The following LIMCH1 variants were observed in gnomAD, a reference collection of about 807,000 sequenced individuals.
LIMCH1 encodes LIM and calponin homology domains-containing protein 1.
In LIMCH1, 113 loss-of-function variants were observed where a neutral mutation model predicts 176.5. That is an observed-to-expected ratio of 0.64 (90% CI 0.55 to 0.75). The LOEUF is 0.75. LIMCH1 is among the 30% of genes least tolerant of loss of function. The pLI, the probability that LIMCH1 is intolerant of heterozygous loss-of-function variation, is 0.00. For synonymous variants in LIMCH1, 619 were observed against 645.9 expected (o/e 0.96, Z 0.63); for missense variants, 1,674 against 1,814.9 (o/e 0.92, Z 1.41).
At chr4:41,562,014 G>A (rs116831446) in intron 1 of LIMCH1, among the ~76,000 whole-genome samples, 1 of 152,092 alleles carries the variant, frequency 6.6e-6, no homozygotes, top group African/African-American at 2.4e-5. Context: ...TATCATTATT[G>A]CTTGTGGGTT....
At chr4:41,486,977 T>TACACACACACACACACACACAC (rs71927545) in intron 1 of LIMCH1, among the ~76,000 whole-genome samples, 20 of 138,510 alleles carry the variant, frequency 1.4e-4, no homozygotes, top group South Asian at 4.5e-4. Flanking sequence ...CACACATACA[T>TACACACACACACACACACACAC]ACACACACAC....
intron 19 of LIMCH1, among the ~76,000 whole-genome samples, chr4:41,662,445 C>G (rs1560280029): frequency 6.6e-6 from 1 of 152,208 alleles, no homozygotes; most frequent in Non-Finnish European, 1.5e-5. Flanking sequence ...CAGGTTGCTG[C>G]TCATTCACTG....
intron 1 of LIMCH1, among the ~76,000 whole-genome samples, chr4:41,424,462 C>T (rs1335832888): frequency 6.6e-6 from 1 of 152,170 alleles, no homozygotes; most frequent in South Asian, 2.1e-4. Context: ...TTATCTGAAA[C>T]TCTTGGGGCC....
chr4:41,532,762 C>T (rs1377499858), intron 3 of LIMCH1, among the ~76,000 whole-genome samples: 1 of 152,162 alleles, frequency 6.6e-6, no homozygotes, highest in Non-Finnish European at 1.5e-5. Flanking sequence ...TCCCTTCACT[C>T]ATCTTGTGAT....
At position 41,551,582 on chromosome 4, in the gene LIMCH1, GCAGGCCAAAAC is replaced by G. The variant is rs1454062387; in HGVS notation, c.-241+13236_-241+13246del. 2.6e-5 allele frequency among the ~76,000 whole-genome samples: 4 copies of G among 152,160 alleles called. No individual in the cohort carries two copies. In the East Asian group the frequency reaches 5.8e-4, roughly 22 times the overall value. On this transcript the variant is annotated intron_variant, in intron 1 of 31. Coordinates refer to ENST00000503057, the MANE Select transcript of LIMCH1 (RefSeq NM_001330672.2). ...AGCCGAGGTCAAGGAACTATACCCT[GCAGGCCAAAAC>G]CAGCCTGCTTCCTTTTGTTCATGGC...
intron 1 of LIMCH1, among the ~76,000 whole-genome samples, chr4:41,450,512 G>T (rs1241245082): frequency 1.3e-5 from 2 of 151,998 alleles, no homozygotes; most frequent in African/African-American, 4.8e-5. Flanking sequence ...AAAGTTGTAG[G>T]GGATGATGGC....
chr4:41,404,112 C>T lies in LIMCH1; in HGVS notation c.96+43176C>T, dbSNP rs536637544. On this transcript the variant is annotated intron_variant, in intron 1 of 26. Transcript: ENST00000313860. ...TCAGTTACAAATGACCCCCAAATCT[C>T]GTTGGCTTGCACCATAGACATTTTT... 1.2e-3 allele frequency among the ~76,000 whole-genome samples: 189 copies of T among 152,234 alleles called. 1 individual carries two copies. The highest frequency in any genetic ancestry group is 2.1e-3 in the Non-Finnish European group (141 of 68,020).
chr4:41,369,296 G>A (rs1196800855), intron 1 of LIMCH1, among the ~76,000 whole-genome samples: 2 of 152,108 alleles, frequency 1.3e-5, no homozygotes, highest in Non-Finnish European at 2.9e-5. Context: ...CCCATATAAG[G>A]TGGCTTCTGG....
chr4:41,629,412 T>C (rs1410048391), intron 8 of LIMCH1, 80 bp from the exon 9 acceptor site: 3 of 1,472,902 alleles, frequency 2.0e-6, no homozygotes, highest in African/African-American at 2.8e-5. Flanking sequence ...TGAGTTTCCA[T>C]GCTTGACATT....
At chr4:41,697,058 A>G (rs1356189129) in intron 31 of LIMCH1, 102 bp from the exon 32 acceptor site, 1 of 1,188,238 alleles carries the variant, frequency 8.4e-7, no homozygotes, top group East Asian at 2.4e-5. Context: ...CAGGAAGAGG[A>G]GACTTTGGTA....
chr4:41,462,021 CA>C (rs768674702), intron 1 of LIMCH1, among the ~76,000 whole-genome samples: 2 of 152,076 alleles, frequency 1.3e-5, no homozygotes, highest in Non-Finnish European at 2.9e-5. Flanking sequence ...CCAGTGTTGC[CA>C]AAGGGGCTGC....
chr4:41,542,364 TC>T (rs67830352), intron 1 of LIMCH1, among the ~76,000 whole-genome samples: 8,118 of 126,852 alleles, frequency 0.064, 335 homozygotes, highest in African/African-American at 0.17. Context: ...TTCTTTCTTT[TC>T]TTTTTTTTTT....
intron 1 of LIMCH1, among the ~76,000 whole-genome samples, chr4:41,591,084 T>C (rs564474148): frequency 2.6e-5 from 4 of 152,328 alleles, no homozygotes; most frequent in African/African-American, 7.2e-5. Context: ...ATAGGTAGAA[T>C]AGAAAAGTAA....
intron 1 of LIMCH1, among the ~76,000 whole-genome samples, chr4:41,431,604 C>A (rs1285528664): frequency 6.6e-6 from 1 of 152,194 alleles, no homozygotes; most frequent in Non-Finnish European, 1.5e-5. Context: ...TTTCCATTAA[C>A]TTTCCAAGAA....
Position 41,646,263 on chromosome 4 carries a change from A to G in LIMCH1, c.2394A>G (p.Arg798=). ...GAAGGAAAAGCATCAAAACCTACAGAGAAATTGTTCAAGAAAAGTGAGTTC... is the reference window on the plus strand; with the variant it reads ...GAAGGAAAAGCATCAAAACCTACAGGGAAATTGTTCAAGAAAAGTGAGTTC... ...SERRKSIKTY[R]EIVQEKERRE... The change falls in exon 16 of 32, where the codon AGA becomes AGG. Residue 798 remains arginine, a synonymous_variant. Coordinates refer to ENST00000503057, the MANE Select transcript of LIMCH1 (RefSeq NM_001330672.2). 6.2e-7 allele frequency: 1 copy of G among 1,609,742 alleles called. No individual in the cohort carries two copies. The highest frequency in any genetic ancestry group is 8.5e-7 in the Non-Finnish European group (1 of 1,179,072).
intron 1 of LIMCH1, among the ~76,000 whole-genome samples, chr4:41,493,533 T>G (rs2071484887): frequency 6.6e-6 from 1 of 152,186 alleles, no homozygotes; most frequent in Non-Finnish European, 1.5e-5. Context: ...GCATTTATAT[T>G]ATATTATGCA....
At chr4:41,596,554 C>T (rs2088858562) in intron 1 of LIMCH1, among the ~76,000 whole-genome samples, 1 of 152,136 alleles carries the variant, frequency 6.6e-6, no homozygotes, top group Admixed American at 6.5e-5. Flanking sequence ...TTAAATTCAG[C>T]GACAGGATGA....
At chr4:41,534,191 C>T (rs2077621136), upstream of LIMCH1, among the ~76,000 whole-genome samples, 1 of 152,060 alleles carries the variant, frequency 6.6e-6, no homozygotes, top group Non-Finnish European at 1.5e-5. Context: ...TTAGTAGAAG[C>T]AGTGGGATTA....
chr4:41,416,661 AAC>A (rs1482858510), intron 1 of LIMCH1, among the ~76,000 whole-genome samples: 1,018 of 86,694 alleles, frequency 0.012, 12 homozygotes, highest in Admixed American at 0.03. Flanking sequence ...CCATCTCAAA[AAC>A]AAAAAAAAAA....
Sources: allele counts gnomAD v4.1 joint callset (sites outside exome capture counted in the v4.1 genomes callset), GRCh38; gene constraint gnomAD v4.1.1; transcripts MANE v1.5; gene names NCBI Gene and HGNC (gene_info 2026-07-23, HGNC 2026-07-21).